The following PARVA variants were observed in gnomAD, a reference collection of about 807,000 sequenced individuals.
PARVA encodes parvin alpha, also known as alpha-parvin.
PARVA carries 25 observed loss-of-function variants against 52.6 expected under a neutral mutation model. The observed-to-expected ratio is 0.48, with a 90% CI of 0.35 to 0.66. The LOEUF (loss-of-function observed/expected upper bound fraction) is 0.66, where lower values mean the gene tolerates loss of function less well. Ranked by LOEUF, PARVA falls within the 30% of genes least tolerant of loss-of-function variation. PARVA has a pLI of 0.01. For synonymous variants in PARVA, 185 were observed against 179.1 expected, an observed-to-expected ratio of 1.03 and a Z score of -0.26; for missense variants, 373 against 450.9, an observed-to-expected ratio of 0.83 and a Z score of 1.56.
chr11:12,517,813 C>T, intron 11 of PARVA, 102 bp downstream of exon 11: 2 of 791,588 alleles, frequency 2.5e-6, no homozygotes, highest in South Asian at 1.6e-5. Flanking sequence ...AGAAGCTTCC[C>T]CTCTGCTCAA....
Position 12,532,403 on chromosome 11 carries a change from C to T in PARVA, c.*4478C>T, listed in dbSNP as rs371858848. 7.2e-5 allele frequency among the ~76,000 whole-genome samples: 11 copies of T among 152,114 alleles called. No homozygotes were observed. Among genetic ancestry groups the T allele is most frequent in the African/African-American group, 2.2e-4 (9 of 41,414 alleles). On this transcript the variant is annotated 3_prime_UTR_variant, in exon 13 of 13. Transcript: ENST00000334956. ...GGACTTTCTAAGGGAAGACGGGGTA[C>T]GATGGGTCCCAATCTTGTTTGATCA...
At chr11:12,403,324 G>A (rs1589944277) in intron 1 of PARVA, among the ~76,000 whole-genome samples, 1 of 152,332 alleles carries the variant, frequency 6.6e-6, no homozygotes. Flanking sequence ...AGGTCACTAG[G>A]GTGGGGAGCA....
At chr11:12,421,100 C>T (rs1189278668) in intron 1 of PARVA, among the ~76,000 whole-genome samples, 3 of 150,330 alleles carry the variant, frequency 2.0e-5, no homozygotes, top group South Asian at 4.3e-4. Context: ...TCTTGGTGGT[C>T]GGAGCTTGCC....
chr11:12,390,402 G>C (rs1939642304), intron 1 of PARVA, among the ~76,000 whole-genome samples: 1 of 152,170 alleles, frequency 6.6e-6, no homozygotes, highest in South Asian at 2.1e-4. Context: ...TGAGATGGCA[G>C]GGTGCAGAGA....
intron 1 of PARVA, chr11:12,452,932 GA>G: frequency 2.2e-6 from 1 of 447,672 alleles, no homozygotes; most frequent in Admixed American, 2.4e-5. Flanking sequence ...TCTGAAAGCA[GA>G]AGGGTAGAAA....
chr11:12,476,528 G>A (rs1941016940), intron 3 of PARVA, among the ~76,000 whole-genome samples: 1 of 151,456 alleles, frequency 6.6e-6, no homozygotes, highest in Admixed American at 6.6e-5. Flanking sequence ...CAAACACAAG[G>A]CTTTCTGGAA....
intron 1 of PARVA, among the ~76,000 whole-genome samples, chr11:12,439,396 T>C (rs911063943): frequency 1.3e-5 from 2 of 152,220 alleles, no homozygotes. Flanking sequence ...CTGTGGACTC[T>C]GCCCGTTTGA....
At chr11:12,494,667 G>A (rs10831837) in intron 4 of PARVA, among the ~76,000 whole-genome samples, 56,891 of 149,922 alleles carry the variant, frequency 0.38, 11,827 homozygotes, top group East Asian at 0.65. Flanking sequence ...AAAAAAAAAA[G>A]AATGAACTAG....
At chr11:12,512,874 C>T (rs1941520065) in intron 8 of PARVA, among the ~76,000 whole-genome samples, 1 of 152,154 alleles carries the variant, frequency 6.6e-6, no homozygotes, top group Admixed American at 6.5e-5. Context: ...GTGCCCTCTG[C>T]CAGCTTGTTT....
intron 1 of PARVA, among the ~76,000 whole-genome samples, chr11:12,462,680 G>A (rs143274534): frequency 0.015 from 2,254 of 152,302 alleles, 52 homozygotes; most frequent in African/African-American, 0.047. Context: ...AAAGACCTCC[G>A]TAGGTGACCA....
chr11:12,429,676 CAT>C (rs1940288216), intron 1 of PARVA, among the ~76,000 whole-genome samples: 2 of 152,184 alleles, frequency 1.3e-5, no homozygotes, highest in African/African-American at 2.4e-5. Flanking sequence ...TTAAATCTGA[CAT>C]GTGATCACTA....
intron 4 of PARVA, among the ~76,000 whole-genome samples, chr11:12,485,560 A>G (rs1941146953): frequency 6.6e-6 from 1 of 152,216 alleles, no homozygotes; most frequent in Non-Finnish European, 1.5e-5. Context: ...TATTTGGGGG[A>G]AAAATTAATA....
At chr11:12,386,007 C>T (rs1432657914) in intron 1 of PARVA, among the ~76,000 whole-genome samples, 2 of 152,218 alleles carry the variant, frequency 1.3e-5, no homozygotes, top group East Asian at 3.9e-4. Flanking sequence ...TCAGCCTTCA[C>T]AAGTGCTCTG....
chr11:12,398,551 A>G (rs189245841), intron 1 of PARVA, among the ~76,000 whole-genome samples: 162 of 148,840 alleles, frequency 1.1e-3, no homozygotes, highest in African/African-American at 3.8e-3. Flanking sequence ...AGGGGTTCAC[A>G]GTCTAGCCTC....
At position 12,394,734 on chromosome 11, in the gene PARVA, G is replaced by C. The variant is rs556535809; in HGVS notation, c.136+16951G>C. Among the ~76,000 whole-genome samples the C allele has an allele frequency of 4.8e-4, 73 of 152,286 alleles. 2 individuals carry two copies. The South Asian group carries it at 0.014, about 29-fold the overall frequency. On this transcript the variant is annotated intron_variant, in intron 1 of 12. Transcript: ENST00000334956. ...ACAAGAGATTGGTCCCAGGACCCCT[G>C]TGTATACCCAGATCCGAGCACACTC...
At chr11:12,395,958 A>T (rs774820080) in intron 1 of PARVA, among the ~76,000 whole-genome samples, 1 of 152,222 alleles carries the variant, frequency 6.6e-6, no homozygotes, top group Non-Finnish European at 1.5e-5. Flanking sequence ...AAAAAGAAAG[A>T]TTATCCTTGG....
intron 4 of PARVA, among the ~76,000 whole-genome samples, chr11:12,483,319 G>A (rs895725533): frequency 7.2e-5 from 11 of 152,242 alleles, no homozygotes; most frequent in Admixed American, 2.6e-4. Context: ...GTGGGTGGAG[G>A]AAGCTTATAT....
In PARVA at chr11:12,386,873, C is replaced by T. The variant is rs990008180; in HGVS notation, c.136+9090C>T. Among the ~76,000 whole-genome samples the T allele has an allele frequency of 2.1e-4, 32 of 152,182 alleles. 1 individual carries two copies. The highest frequency in any genetic ancestry group is 4.4e-5 in the Non-Finnish European group (3 of 68,044). On this transcript the variant is annotated intron_variant, in intron 1 of 12. Transcript: ENST00000334956. ...CTGGGAATTACATCATCACAAAGAC[C>T]TCTTTCTTTCCTCTACTAATGAAGG...
chr11:12,434,769 A>G (rs559665027), intron 1 of PARVA, among the ~76,000 whole-genome samples: 3 of 151,962 alleles, frequency 2.0e-5, no homozygotes, highest in Non-Finnish European at 4.4e-5. Flanking sequence ...AGTGGCCCCC[A>G]CTGCCAATCC....
Sources: allele counts gnomAD v4.1 joint callset (sites outside exome capture counted in the v4.1 genomes callset), GRCh38; gene constraint gnomAD v4.1.1; transcripts MANE v1.5; gene names NCBI Gene and HGNC (gene_info 2026-07-23, HGNC 2026-07-21).